The following ZMYM2 variants were observed in gnomAD, a reference collection of about 807,000 sequenced individuals.
ZMYM2 encodes zinc finger MYM-type protein 2.
In ZMYM2, 56 loss-of-function variants were observed where a neutral mutation model predicts 162.8. The ratio of observed to expected loss-of-function variants is 0.34; its 90% CI spans 0.28 to 0.43. ZMYM2 has a LOEUF of 0.43. Among genes scored for constraint, ZMYM2 ranks in the 20% least tolerant of loss-of-function variants. The pLI is 1.00. For missense variants in ZMYM2, 1,275 were observed against 1,621.8 expected, an observed-to-expected ratio of 0.79 and a Z score of 3.67; for synonymous variants, 510 against 541.6, an observed-to-expected ratio of 0.94 and a Z score of 0.81.
At chr13:20,076,234 T>C (rs1372244724) in intron 21 of ZMYM2, among the ~76,000 whole-genome samples, 2 of 150,368 alleles carry the variant, frequency 1.3e-5, no homozygotes, top group South Asian at 2.1e-4. Flanking sequence ...ACAATTAATT[T>C]AGTAATTTCC....
At chr13:20,054,328 G>A (rs1321082724) in intron 14 of ZMYM2, among the ~76,000 whole-genome samples, 1 of 152,212 alleles carries the variant, frequency 6.6e-6, no homozygotes, top group East Asian at 1.9e-4. Flanking sequence ...GAGGCAGTAT[G>A]TATAGTAAAG....
At chr13:19,980,752 C>CAAAAAAA (rs914320015) in intron 2 of ZMYM2, among the ~76,000 whole-genome samples, 1 of 31,224 alleles carries the variant, frequency 3.2e-5, no homozygotes, top group Non-Finnish European at 7.7e-5. Context: ...GACTCCATCT[C>CAAAAAAA]AAAAAAAAAA....
chr13:19,920,098 T>G, the ZMYM2 span, among the ~76,000 whole-genome samples: 1 of 152,176 alleles, frequency 6.6e-6, no homozygotes, highest in Admixed American at 6.6e-5. Flanking sequence ...TGTGAGCCAG[T>G]GAAGCTGGCC....
At chr13:19,979,388 CT>C (rs1351435007) in intron 2 of ZMYM2, among the ~76,000 whole-genome samples, 1 of 145,592 alleles carries the variant, frequency 6.9e-6, no homozygotes, top group Non-Finnish European at 1.5e-5. Flanking sequence ...AGATTTTTTA[CT>C]TGTTGAGGGA....
the ZMYM2 span, among the ~76,000 whole-genome samples, chr13:19,874,962 TTGG>T: frequency 7.2e-5 from 11 of 152,258 alleles, no homozygotes; most frequent in African/African-American, 2.4e-4. Flanking sequence ...TCATACACTG[TTGG>T]TGGGAATGTA....
the ZMYM2 span, among the ~76,000 whole-genome samples, chr13:19,905,795 T>C: frequency 1.3e-5 from 2 of 152,158 alleles, no homozygotes; most frequent in Admixed American, 1.3e-4. Context: ...TAACAAACTA[T>C]CTTTTTTATT....
chr13:20,074,753 C>T lies in ZMYM2; in HGVS notation c.3454-7263C>T, dbSNP rs1346181156. Among the ~76,000 whole-genome samples the T allele has an allele frequency of 3.3e-5, 5 of 151,930 alleles. No individual in the cohort carries two copies. In the East Asian group the frequency reaches 5.8e-4, roughly 18 times the overall value. On this transcript the variant is annotated intron_variant, in intron 21 of 24. Transcript: ENST00000610343. Reference sequence around the variant, plus strand: ...CGAGGTTTCACCGTGTTAGCCGGGACGGTCTCGATCTCCTGACCTCGTGAT... The same window carrying T: ...CGAGGTTTCACCGTGTTAGCCGGGATGGTCTCGATCTCCTGACCTCGTGAT...
At chr13:20,065,566 G>T (rs962540105) in intron 19 of ZMYM2, among the ~76,000 whole-genome samples, 1 of 152,204 alleles carries the variant, frequency 6.6e-6, no homozygotes, top group South Asian at 2.1e-4. Flanking sequence ...CACTCAGGAA[G>T]GCTGAGGCGG....
chr13:19,864,747 CGCACCCGCTGCGGCCCCTGCGGGGA>C, the ZMYM2 span: 1 of 152,288 alleles, frequency 6.6e-6, no homozygotes, highest in African/African-American at 2.4e-5. Flanking sequence ...TATCGCGGGG[CGCACCCGCTGCGGCCCCTGCGGGGA>C]GCAGAATCAG....
chr13:19,914,797 C>T, the ZMYM2 span, among the ~76,000 whole-genome samples: 2 of 152,126 alleles, frequency 1.3e-5, no homozygotes, highest in Non-Finnish European at 2.9e-5. Context: ...GTGTTCTCTA[C>T]CATCCTGAAG....
At chr13:19,925,202 A>G in the ZMYM2 span, among the ~76,000 whole-genome samples, 1 of 152,118 alleles carries the variant, frequency 6.6e-6, no homozygotes, top group Admixed American at 6.6e-5. Context: ...AAACTTTCAT[A>G]CTGTTTTCTA....
At chr13:20,045,758 C>T (rs927019194) in intron 12 of ZMYM2, among the ~76,000 whole-genome samples, 1 of 151,920 alleles carries the variant, frequency 6.6e-6, no homozygotes, top group Middle Eastern at 3.4e-3. Flanking sequence ...GAAATTGTTA[C>T]CATGTGATGA....
At chr13:19,954,026 T>G (rs1245274679), upstream of ZMYM2, among the ~76,000 whole-genome samples, 1 of 151,860 alleles carries the variant, frequency 6.6e-6, no homozygotes, top group African/African-American at 2.4e-5. Context: ...TAGGCGTTTG[T>G]ACCGGGTGCT....
Position 19,993,692 on chromosome 13 carries a change from G to A in ZMYM2, c.620G>A (p.Gly207Glu). The change falls in exon 3 of 25, where the codon GGG becomes GAG. Residue 207 changes from glycine (G) to glutamate (E), a missense_variant. Gly to Glu is a moderately conservative substitution (Grantham distance 98, BLOSUM62 -2). Transcript: ENST00000610343. ...VNDGQLENTD[G>E]RDMNLMITHV... ...GATGGCCAATTAGAAAATACTGACGGGCGAGATATGAACTTAATGATTACA... is the reference window on the plus strand; with the variant it reads ...GATGGCCAATTAGAAAATACTGACGAGCGAGATATGAACTTAATGATTACA... 1 of 1,613,944 alleles carries A rather than the reference G, an allele frequency of 6.2e-7. No individual in the cohort carries two copies. The highest frequency in any genetic ancestry group is 1.7e-5 in the Admixed American group (1 of 60,026).
chr13:19,864,877 T>C, the ZMYM2 span: 5 of 152,272 alleles, frequency 3.3e-5, no homozygotes, highest in East Asian at 5.8e-4. Flanking sequence ...CTTCGGCGGA[T>C]GTCATGGTGC....
rs1045845270 is a variant in ZMYM2 at position 20,041,014 on chromosome 13, A to G, written c.2292+4105A>G. On this transcript the variant is annotated intron_variant, in intron 12 of 24. Coordinates refer to ENST00000610343, the MANE Select transcript of ZMYM2 (RefSeq NM_197968.4). ...TTTTGCATTTACTGAGGAATGTTTT[A>G]TATGTGATTATGTGATCAATTTTAA... Among the ~76,000 whole-genome samples the G allele has an allele frequency of 3.3e-5, 5 of 152,188 alleles. No individual in the cohort carries two copies. In the East Asian group the frequency reaches 5.8e-4, roughly 18 times the overall value.
Position 20,026,737 on chromosome 13 carries a change from C to T in ZMYM2, c.1710C>T (p.His570=), listed in dbSNP as rs1173102348. 6.3e-7 allele frequency: 1 copy of T among 1,596,338 alleles called. No homozygotes were observed. The highest frequency in any genetic ancestry group is 1.2e-5 in the South Asian group (1 of 85,804). ...GTTCAACTGCTTGTATGAACAGTCA[C>T]AAGACAAAATATGCAAAATCACAAA... ...PYCSTACMNS[H]KTKYAKSQSL... is the part of the protein sequence containing the mutation. The change falls in exon 8 of 25, where the codon CAC becomes CAT. Residue 570 remains histidine, a synonymous_variant. Coordinates refer to ENST00000610343, the MANE Select transcript of ZMYM2 (RefSeq NM_197968.4).
At chr13:19,909,981 C>T in the ZMYM2 span, among the ~76,000 whole-genome samples, 4 of 151,268 alleles carry the variant, frequency 2.6e-5, no homozygotes, top group East Asian at 2.0e-4. Flanking sequence ...TTTGGAAGGC[C>T]GAGGCGGGCG....
chr13:20,034,966 A>T (rs1225329705), intron 11 of ZMYM2, among the ~76,000 whole-genome samples: 2 of 152,204 alleles, frequency 1.3e-5, no homozygotes, highest in African/African-American at 4.8e-5. Flanking sequence ...TCAAATTCTA[A>T]ATCTACTTAT....
Sources: allele counts gnomAD v4.1 joint callset (sites outside exome capture counted in the v4.1 genomes callset), GRCh38; gene constraint gnomAD v4.1.1; transcripts MANE v1.5; gene names NCBI Gene and HGNC (gene_info 2026-07-23, HGNC 2026-07-21).